The following EVA1C variants were observed in gnomAD, a reference collection of about 807,000 sequenced individuals.
EVA1C encodes protein eva-1 homolog C.
EVA1C carries 25 observed loss-of-function variants against 45.4 expected under a neutral mutation model. That is an observed-to-expected ratio of 0.55 (90% confidence interval 0.40 to 0.77). EVA1C has a LOEUF of 0.77. Among genes scored for constraint, EVA1C ranks in the 30% least tolerant of loss-of-function variants. The pLI, the probability that EVA1C is intolerant of heterozygous loss-of-function variation, is 0.00. For missense variants in EVA1C, 479 were observed against 554.8 expected (o/e 0.86, Z 1.37); for synonymous variants, 190 against 221.2 (o/e 0.86, Z 1.25).
chr21:32,486,869 A>G (rs2036988464), intron 4 of EVA1C, among the ~76,000 whole-genome samples: 1 of 152,226 alleles, frequency 6.6e-6, no homozygotes, highest in African/African-American at 2.4e-5. Context: ...TTGTATTTAT[A>G]CAAATATGTT....
chr21:32,437,874 G>A (rs751689620), intron 1 of EVA1C, among the ~76,000 whole-genome samples: 28 of 152,208 alleles, frequency 1.8e-4, no homozygotes, highest in Non-Finnish European at 4.0e-4. Flanking sequence ...TGAGGGAGGA[G>A]CGAGCGCTTT....
chr21:32,507,921 G>A (rs4817495), intron 7 of EVA1C, among the ~76,000 whole-genome samples: 15,767 of 148,808 alleles, frequency 0.11, 1,190 homozygotes, highest in East Asian at 0.28. Context: ...GTGTGCGTGT[G>A]TGCCTGTATG....
chr21:32,494,886 A>T, intron 4 of EVA1C, 141 bp from the exon 5 acceptor site: 1 of 890,868 alleles, frequency 1.1e-6, no homozygotes, highest in Non-Finnish European at 1.7e-6. Flanking sequence ...TGGGTGCTTT[A>T]ATGAGACAGA....
intron 1 of EVA1C, among the ~76,000 whole-genome samples, chr21:32,441,819 C>T (rs1230984413): frequency 6.6e-6 from 1 of 152,206 alleles, no homozygotes; most frequent in South Asian, 2.1e-4. Flanking sequence ...CTATTAGAAA[C>T]CAATGTTAAC....
intron 1 of EVA1C, among the ~76,000 whole-genome samples, chr21:32,414,596 C>T (rs537917005): frequency 6.6e-6 from 1 of 152,246 alleles, no homozygotes; most frequent in Non-Finnish European, 1.5e-5. Context: ...AGATTACCAC[C>T]CAAGTTTGGA....
intron 5 of EVA1C, among the ~76,000 whole-genome samples, chr21:32,497,938 G>C (rs145682830): frequency 6.6e-6 from 1 of 152,148 alleles, no homozygotes; most frequent in Non-Finnish European, 1.5e-5. Context: ...TCTCCCACAG[G>C]GTCCTCCCAC....
chr21:32,502,611 C>T (rs189262479), intron 6 of EVA1C, among the ~76,000 whole-genome samples: 3 of 151,980 alleles, frequency 2.0e-5, no homozygotes, highest in Admixed American at 1.3e-4. Context: ...TTAGGTCTTT[C>T]CCCCCTAAGT....
intron 1 of EVA1C, among the ~76,000 whole-genome samples, chr21:32,427,936 G>T (rs1277105854): frequency 3.3e-5 from 5 of 151,534 alleles, no homozygotes; most frequent in Non-Finnish European, 5.9e-5. Flanking sequence ...TTCTTCCCTG[G>T]ACCTTAAACA....
At chr21:32,416,731 A>G (rs899414246) in intron 1 of EVA1C, among the ~76,000 whole-genome samples, 1 of 152,196 alleles carries the variant, frequency 6.6e-6, no homozygotes, top group African/African-American at 2.4e-5. Flanking sequence ...AGGAAAGGGT[A>G]GAAAGTTGTT....
intron 1 of EVA1C, among the ~76,000 whole-genome samples, chr21:32,425,915 G>A (rs936860021): frequency 6.6e-6 from 1 of 151,958 alleles, no homozygotes; most frequent in East Asian, 1.9e-4. Flanking sequence ...CAGCAGATTT[G>A]TCCTTGTTTT....
chr21:32,435,384 C>T (rs1219421720), intron 1 of EVA1C, among the ~76,000 whole-genome samples: 1 of 152,198 alleles, frequency 6.6e-6, no homozygotes, highest in Non-Finnish European at 1.5e-5. Context: ...TCTGCCTTCC[C>T]CAGCATCCCT....
chr21:32,480,899 G>A (rs568625410), intron 4 of EVA1C, among the ~76,000 whole-genome samples: 191 of 151,982 alleles, frequency 1.3e-3, no homozygotes, highest in Non-Finnish European at 2.2e-3. Context: ...GGAGGCAGAG[G>A]TCGCAGTGTG....
chr21:32,485,720 T>C (rs1174244051), intron 4 of EVA1C, among the ~76,000 whole-genome samples: 1 of 152,186 alleles, frequency 6.6e-6, no homozygotes, highest in Non-Finnish European at 1.5e-5. Context: ...AGACATTATG[T>C]TTAAGGGCAC....
Position 32,514,809 on chromosome 21 carries a change from T to C in EVA1C, c.950-5T>C, listed in dbSNP as rs200503691. The C allele has an allele frequency of 1.5e-4, 234 of 1,540,104 alleles. 3 individuals carry two copies. In the South Asian group the frequency reaches 2.8e-3, roughly 18 times the overall value. Reference sequence around the variant, plus strand: ...AGCTCCTGACATGTTCTCTTCCTCCTGCAGCCCACCCGGAGAGAGCTGCCC... The same window carrying C: ...AGCTCCTGACATGTTCTCTTCCTCCCGCAGCCCACCCGGAGAGAGCTGCCC... On this transcript the variant is annotated splice_region_variant and splice_polypyrimidine_tract_variant and intron_variant, in intron 7 of 7. Coordinates refer to ENST00000300255, the MANE Select transcript of EVA1C (RefSeq NM_058187.5).
intron 1 of EVA1C, among the ~76,000 whole-genome samples, chr21:32,426,361 G>T (rs915539207): frequency 6.6e-6 from 1 of 152,088 alleles, no homozygotes; most frequent in African/African-American, 2.4e-5. Context: ...GTTGCATGAT[G>T]GGGGGTGGAT....
chr21:32,464,314 G>C (rs1384245045), intron 3 of EVA1C, among the ~76,000 whole-genome samples: 2 of 152,166 alleles, frequency 1.3e-5, no homozygotes, highest in African/African-American at 4.8e-5. Flanking sequence ...TAGGGATTTT[G>C]TGAGCATCTG....
intron 3 of EVA1C, among the ~76,000 whole-genome samples, chr21:32,460,429 T>C (rs1337559883): frequency 6.6e-6 from 1 of 152,212 alleles, no homozygotes; most frequent in Non-Finnish European, 1.5e-5. Context: ...AGATTTACCT[T>C]ATTTGTGGCT....
At chr21:32,468,510 AAAGGGGAGTTTATT>A (rs2036264031) in intron 4 of EVA1C, among the ~76,000 whole-genome samples, 1 of 151,728 alleles carries the variant, frequency 6.6e-6, no homozygotes, top group Admixed American at 6.6e-5. Flanking sequence ...ATATATACAT[AAAGGGGAGTTTATT>A]AAGTATTAAT....
At chr21:32,443,269 A>C (rs1307647524) in intron 1 of EVA1C, among the ~76,000 whole-genome samples, 2 of 152,204 alleles carry the variant, frequency 1.3e-5, no homozygotes, top group African/African-American at 4.8e-5. Context: ...ATGGCAGGGT[A>C]CAGTGGCTCA....
Sources: allele counts gnomAD v4.1 joint callset (sites outside exome capture counted in the v4.1 genomes callset), GRCh38; gene constraint gnomAD v4.1.1; transcripts MANE v1.5; gene names NCBI Gene and HGNC (gene_info 2026-07-23, HGNC 2026-07-21).